Variants in MYO18B observed in about 807,000 individuals in gnomAD.
MYO18B encodes myosin XVIIIB.
Under a neutral mutation model 273.0 loss-of-function variants are expected in MYO18B, and 204 were observed. The ratio of observed to expected loss-of-function variants is 0.75; its 90% CI spans 0.67 to 0.84. The LOEUF (loss-of-function observed/expected upper bound fraction) is 0.84, where lower values mean the gene tolerates loss of function less well. Among genes scored for constraint, MYO18B ranks in the 40% least tolerant of loss-of-function variants. The pLI, the probability that MYO18B is intolerant of heterozygous loss-of-function variation, is 0.00. For synonymous variants in MYO18B, 1,330 were observed against 1,305.7 expected (o/e 1.02, Z -0.40); for missense variants, 3,212 against 3,287.6 (o/e 0.98, Z 0.56).
chr22:25,862,332 T>C (rs2090761120), intron 21 of MYO18B, among the ~76,000 whole-genome samples: 1 of 152,178 alleles, frequency 6.6e-6, no homozygotes, highest in Admixed American at 6.5e-5. Context: ...TTATTTAATC[T>C]TATGTCTTTT....
chr22:26,019,597 T>C (rs1460661079), intron 42 of MYO18B, among the ~76,000 whole-genome samples: 1 of 152,270 alleles, frequency 6.6e-6, no homozygotes. Flanking sequence ...TTACAGACTC[T>C]CTGTTGTTAT....
In MYO18B at chr22:26,027,554, G is replaced by T. The variant is rs774585275; in HGVS notation, c.7580G>T (p.Arg2527Leu). 1 of 1,613,944 alleles carries T rather than the reference G, an allele frequency of 6.2e-7. No individual in the cohort carries two copies. Among genetic ancestry groups the T allele is most frequent in the Non-Finnish European group, 8.5e-7 (1 of 1,179,884 alleles). ...AAAAGTGCTGACAGCATCAAAAGTCGACCAGGAATCCCACGACTTGCGGGT... is the reference window on the plus strand; with the variant it reads ...AAAAGTGCTGACAGCATCAAAAGTCTACCAGGAATCCCACGACTTGCGGGT... Reference protein sequence around the residue: ...SFKSADSIKSRPGIPRLAGDG... With the variant: ...SFKSADSIKSLPGIPRLAGDG... The change falls in exon 43 of 44, where the codon CGA (arginine) becomes CTA (leucine). Residue 2527 changes from arginine to leucine, a missense_variant. Physicochemically the swap from Arg to Leu is moderately radical, Grantham distance 102. Coordinates refer to ENST00000335473, the MANE Select transcript of MYO18B (RefSeq NM_032608.7). This position sits in a 1 kb window ranked among gnomAD's most constrained non-coding sequence, Gnocchi z 4.1.
At chr22:25,787,207 T>TG (rs2087429679) in intron 11 of MYO18B, among the ~76,000 whole-genome samples, 1 of 150,998 alleles carries the variant, frequency 6.6e-6, no homozygotes, top group Non-Finnish European at 1.5e-5. Context: ...AGAGCGAGAC[T>TG]CTGTCTCAGA....
chr22:26,007,029 A>G (rs749846382), intron 42 of MYO18B, among the ~76,000 whole-genome samples: 10 of 152,174 alleles, frequency 6.6e-5, no homozygotes, highest in Non-Finnish European at 1.3e-4. Context: ...AGCCCTATCC[A>G]GAGTCTCTTT....
Position 25,920,039 on chromosome 22 carries a change from C to T in MYO18B, c.5365-1218C>T, listed in dbSNP as rs558237856. Among the ~76,000 whole-genome samples the T allele has an allele frequency of 5.7e-4, 87 of 152,226 alleles. No individual in the cohort carries two copies. The South Asian group carries it at 0.018, about 31-fold the overall frequency. On this transcript the variant is annotated intron_variant, in intron 33 of 43. Coordinates refer to ENST00000335473, the MANE Select transcript of MYO18B (RefSeq NM_032608.7). The stretch of plus-strand genomic sequence containing the variant: ...GAGATGTGGCGTGACTCAGCCACTG[C>T]TCCATCATCAGCAAATGGTGAGCCA...
chr22:25,902,918 T>C (rs1483307502), intron 30 of MYO18B, 182 bp downstream of exon 30: 3 of 647,760 alleles, frequency 4.6e-6, no homozygotes, highest in Non-Finnish European at 7.6e-6. Flanking sequence ...AAATTGATAA[T>C]CAGACTTTGA....
intron 39 of MYO18B, among the ~76,000 whole-genome samples, chr22:25,960,474 G>A (rs2092906179): frequency 6.6e-6 from 1 of 152,054 alleles, no homozygotes; most frequent in African/African-American, 2.4e-5. Flanking sequence ...CATCACCTTG[G>A]CCTGATTCTC....
intron 33 of MYO18B, among the ~76,000 whole-genome samples, chr22:25,920,408 A>C (rs1055457063): frequency 1.3e-5 from 2 of 152,092 alleles, no homozygotes; most frequent in African/African-American, 4.8e-5. Flanking sequence ...GTAATTCTGC[A>C]CCTCTTCTGT....
chr22:25,971,084 G>C (rs188514290), intron 39 of MYO18B, among the ~76,000 whole-genome samples: 3 of 152,352 alleles, frequency 2.0e-5, no homozygotes, highest in Non-Finnish European at 4.4e-5. Context: ...AGTCCATACT[G>C]TCTCTGTCAC....
At chr22:25,872,603 C>G (rs2091077736) in intron 22 of MYO18B, among the ~76,000 whole-genome samples, 1 of 151,998 alleles carries the variant, frequency 6.6e-6, no homozygotes, top group South Asian at 2.1e-4. Context: ...TGTCTGAAGT[C>G]AGATAGAGGA....
At position 25,898,352 on chromosome 22, in the gene MYO18B, C is replaced by T. The variant is rs2091856738; in HGVS notation, c.4714C>T (p.His1572Tyr). Residue 1572 changes from histidine (H) to tyrosine (Y), a missense_variant, in exon 29 of 44, where the codon CAC (histidine) becomes TAC (tyrosine). Coordinates refer to ENST00000335473, the MANE Select transcript of MYO18B (RefSeq NM_032608.7). ...TTATGACGGGGCCAAGAAGATGGCT[C>T]ACCAACTGAAGAGGAAGTGCCACCA... Reference protein sequence around the residue: ...SAYDGAKKMAHQLKRKCHHLT... With the variant: ...SAYDGAKKMAYQLKRKCHHLT... 5 of 1,613,806 alleles carry T rather than the reference C, an allele frequency of 3.1e-6. No individual in the cohort carries two copies. The African/African-American group carries it at 4.0e-5, about 13-fold the overall frequency.
intron 30 of MYO18B, 125 bp from the exon 31 acceptor site, chr22:25,903,506 G>A: frequency 1.0e-6 from 1 of 965,494 alleles, no homozygotes; most frequent in Non-Finnish European, 1.5e-6. Flanking sequence ...GGGTCCAGGT[G>A]GAAATGGCAG....
intron 1 of MYO18B, among the ~76,000 whole-genome samples, chr22:25,755,276 G>C (rs191268630): frequency 1.3e-5 from 2 of 151,804 alleles, no homozygotes; most frequent in Non-Finnish European, 2.9e-5. Context: ...GCTCGATCTC[G>C]GCTCACCGCA....
intron 21 of MYO18B, among the ~76,000 whole-genome samples, chr22:25,860,571 G>T (rs1414929138): frequency 2.0e-5 from 3 of 152,116 alleles, no homozygotes; most frequent in Admixed American, 6.5e-5. Context: ...TTCCTAGTGT[G>T]ATTTCTTCTT....
chr22:25,835,399 A>C lies in MYO18B; in HGVS notation c.3164A>C (p.Glu1055Ala), dbSNP rs1276383516. The C allele has an allele frequency of 1.5e-5, 24 of 1,613,934 alleles. No homozygotes were observed. The highest frequency in any genetic ancestry group is 2.0e-5 in the Non-Finnish European group (24 of 1,179,880). ...GGCTCCAGTGACAGTGTGGTGCTCG[A>C]GCGTCTGTGTGCTGCTTTCGAGAAG... ...VEGSSDSVVL[E>A]RLCAAFEKKG... The change falls in exon 17 of 44, where the codon GAG becomes GCG. Residue 1055 changes from glutamate to alanine, a missense_variant. Glu to Ala is a moderately radical substitution (Grantham distance 107, BLOSUM62 -1). Coordinates refer to ENST00000335473, the MANE Select transcript of MYO18B (RefSeq NM_032608.7).
In MYO18B at chr22:25,829,719, T is replaced by C. The variant is rs150905109; in HGVS notation, c.2979+751T>C. On this transcript the variant is annotated intron_variant, in intron 15 of 43. Transcript: ENST00000335473. ...CAGACTCAGTGGCGCACGCCCATAA[T>C]CCCAGCTACTCGAGAGGCTGAGGCA... Among the ~76,000 whole-genome samples the C allele has an allele frequency of 8.1e-3, 1,230 of 151,876 alleles. 14 individuals carry two copies. Among genetic ancestry groups the C allele is most frequent in the African/African-American group, 0.028 (1,144 of 41,420 alleles).
chr22:25,836,171 C>G (rs1379769889), intron 17 of MYO18B, among the ~76,000 whole-genome samples: 2 of 152,134 alleles, frequency 1.3e-5, no homozygotes, highest in African/African-American at 4.8e-5. Flanking sequence ...ACAAAGTGAT[C>G]ATGAGATTTG....
intron 12 of MYO18B, 33 bp downstream of exon 12, chr22:25,798,130 G>T: frequency 1.3e-6 from 2 of 1,570,420 alleles, no homozygotes; most frequent in Non-Finnish European, 8.7e-7. Context: ...ACCTGGGAGG[G>T]CAGCTGTCTC....
the MYO18B span, among the ~76,000 whole-genome samples, chr22:26,042,234 TGA>T: frequency 1.3e-5 from 2 of 152,208 alleles, no homozygotes; most frequent in Non-Finnish European, 2.9e-5. Context: ...CTTCTAAGAC[TGA>T]GTGTTCTCAT....
Sources: allele counts gnomAD v4.1 joint callset (sites outside exome capture counted in the v4.1 genomes callset), GRCh38; gene constraint gnomAD v4.1.1; non-coding constraint Gnocchi (gnomAD v3.1); transcripts MANE v1.5; gene names NCBI Gene and HGNC (gene_info 2026-07-23, HGNC 2026-07-21).